MYO16: variants seen among roughly 807,000 people sequenced by gnomAD.
MYO16 encodes the protein myosin XVI, also known as unconventional myosin-XVI.
In MYO16, 94 loss-of-function variants were observed where a neutral mutation model predicts 205.3. That is an observed-to-expected ratio of 0.46 (90% CI 0.39 to 0.54). The LOEUF (loss-of-function observed/expected upper bound fraction) is 0.54, where lower values mean the gene tolerates loss of function less well. Ranked by LOEUF, MYO16 falls within the 20% of genes least tolerant of loss-of-function variation. The pLI is 0.00. For synonymous variants in MYO16, 988 were observed against 954.0 expected (o/e 1.04, Z -0.66); for missense variants, 2,315 against 2,387.5 (o/e 0.97, Z 0.63).
intron 3 of MYO16, among the ~76,000 whole-genome samples, chr13:108,725,000 A>T (rs565204946): frequency 6.6e-6 from 1 of 151,878 alleles, no homozygotes; most frequent in African/African-American, 2.4e-5. Flanking sequence ...TTAAAAAATC[A>T]TTTTTCTTTC....
chr13:108,926,633 A>G (rs1882020211), intron 16 of MYO16, among the ~76,000 whole-genome samples: 1 of 152,166 alleles, frequency 6.6e-6, no homozygotes, highest in African/African-American at 2.4e-5. Flanking sequence ...CCTGTCATCT[A>G]GAGACCAGCA....
chr13:109,195,259 T>C (rs1566558403), intron 34 of MYO16, among the ~76,000 whole-genome samples: 1 of 152,178 alleles, frequency 6.6e-6, no homozygotes, highest in Non-Finnish European at 1.5e-5. Flanking sequence ...TTTTAAAGGA[T>C]ATTTTCCCCT....
At chr13:108,916,756 G>A (rs573192879) in intron 16 of MYO16, among the ~76,000 whole-genome samples, 12 of 152,286 alleles carry the variant, frequency 7.9e-5, no homozygotes, top group Non-Finnish European at 8.8e-5. Context: ...AGTGGCTTCC[G>A]TCCTGCCTTC....
chr13:108,710,830 T>G (rs934905365), intron 2 of MYO16, among the ~76,000 whole-genome samples: 5 of 152,242 alleles, frequency 3.3e-5, no homozygotes, highest in Non-Finnish European at 5.9e-5. Context: ...ACACTATCTT[T>G]GTAGTGAGAT....
chr13:108,631,136 AC>A (rs891957365), intron 1 of MYO16, among the ~76,000 whole-genome samples: 2 of 152,180 alleles, frequency 1.3e-5, no homozygotes, highest in Non-Finnish European at 2.9e-5. Flanking sequence ...CAATACTCTG[AC>A]TGGTTTTTGT....
intron 11 of MYO16, among the ~76,000 whole-genome samples, chr13:108,858,588 C>G (rs1878308715): frequency 6.6e-6 from 1 of 152,144 alleles, no homozygotes; most frequent in Non-Finnish European, 1.5e-5. Context: ...AGAAGGCCAC[C>G]CCCACTGCTG....
chr13:109,039,864 A>G (rs951610416), intron 23 of MYO16, among the ~76,000 whole-genome samples: 1 of 152,196 alleles, frequency 6.6e-6, no homozygotes, highest in African/African-American at 2.4e-5. Flanking sequence ...AATTAGAAAA[A>G]AAGGAGAAAA....
rs970234577 is a variant in MYO16, at chr13:108,823,344, A to G, written c.1097+66A>G. The G allele has an allele frequency of 1.7e-5, 25 of 1,449,498 alleles. No individual in the cohort carries two copies. The African/African-American group carries it at 2.3e-4, about 13-fold the overall frequency. 89.8% of individuals were successfully genotyped at this position (1,449,498 alleles called of 1,614,324 possible). A position where few individuals can be genotyped will look rare whatever the true frequency, so the allele number is the denominator to read the frequency against. The stretch of plus-strand genomic sequence containing the variant: ...ACCTGCTGGTCATTTTAGAGCCCAT[A>G]TTAAGTCTGACTCTCAGCCAAAGAG... On this transcript the variant is annotated intron_variant, in intron 9 of 34. Transcript: ENST00000457511.
intron 1 of MYO16, among the ~76,000 whole-genome samples, chr13:108,660,469 A>T (rs558909771): frequency 7.9e-4 from 120 of 152,250 alleles, no homozygotes; most frequent in African/African-American, 2.8e-3. Flanking sequence ...TTAGGTACAT[A>T]TATATTTAGG....
At chr13:108,981,764 G>A (rs1427649299) in intron 20 of MYO16, among the ~76,000 whole-genome samples, 1 of 152,196 alleles carries the variant, frequency 6.6e-6, no homozygotes, top group African/African-American at 2.4e-5. Flanking sequence ...GAGTTTTGTG[G>A]TGCTTGGTTA....
At chr13:108,888,892 T>C (rs1416975600) in intron 14 of MYO16, among the ~76,000 whole-genome samples, 1 of 151,908 alleles carries the variant, frequency 6.6e-6, no homozygotes, top group Non-Finnish European at 1.5e-5. Flanking sequence ...TCGTCTCTAC[T>C]AAAAATACAA....
intron 27 of MYO16, among the ~76,000 whole-genome samples, chr13:109,077,844 A>C (rs762944388): frequency 2.0e-5 from 3 of 152,014 alleles, no homozygotes; most frequent in Admixed American, 6.6e-5. Flanking sequence ...AAATTTGGAA[A>C]ATTTTTCAAA....
chr13:108,510,742 T>A, the MYO16 span, among the ~76,000 whole-genome samples: 3,147 of 7,924 alleles, frequency 0.4, 666 homozygotes, highest in East Asian at 0.74. Flanking sequence ...TTTGTTCTTG[T>A]GATAGTTTAC....
chr13:109,174,441 C>T (rs1373731172), intron 33 of MYO16, among the ~76,000 whole-genome samples: 1 of 152,088 alleles, frequency 6.6e-6, no homozygotes, highest in Non-Finnish European at 1.5e-5. Flanking sequence ...CACTAAACCA[C>T]TCAGAATGCC....
rs137996746 is a variant in MYO16, at chr13:108,739,964, C to T, written c.507+12381C>T. 1.6e-4 allele frequency among the ~76,000 whole-genome samples: 25 copies of T among 152,280 alleles called. No homozygotes were observed. The East Asian group carries it at 4.1e-3, about 25-fold the overall frequency. ...GCTTGTGCATTCATCACGTGGTTCT[C>T]GTGCCATGGTTTTCAGCTCCATCAG... On this transcript the variant is annotated intron_variant, in intron 4 of 34. Transcript: ENST00000457511.
chr13:108,695,467 ACT>A (rs1178677217), intron 2 of MYO16, among the ~76,000 whole-genome samples: 1 of 151,782 alleles, frequency 6.6e-6, no homozygotes, highest in Non-Finnish European at 1.5e-5. Flanking sequence ...TAAGTCCTTA[ACT>A]CTGTTTGTCT....
At chr13:109,046,170 T>C (rs1887038649) in intron 23 of MYO16, among the ~76,000 whole-genome samples, 1 of 152,202 alleles carries the variant, frequency 6.6e-6, no homozygotes, top group Non-Finnish European at 1.5e-5. Flanking sequence ...CGGTCCACAC[T>C]GGGCAGAGAA....
chr13:108,702,677 A>T (rs1382500289), intron 2 of MYO16, among the ~76,000 whole-genome samples: 1 of 152,178 alleles, frequency 6.6e-6, no homozygotes, highest in Non-Finnish European at 1.5e-5. Context: ...CTAATTTTTA[A>T]TTATATTTAA....
At chr13:108,560,492 G>A in the MYO16 span, among the ~76,000 whole-genome samples, 11 of 152,234 alleles carry the variant, frequency 7.2e-5, no homozygotes, top group African/African-American at 2.2e-4. Flanking sequence ...TCCAGTAAAA[G>A]GGTACTTGAA....
Sources: allele counts gnomAD v4.1 joint callset (sites outside exome capture counted in the v4.1 genomes callset), GRCh38; gene constraint gnomAD v4.1.1; transcripts MANE v1.5; gene names NCBI Gene and HGNC (gene_info 2026-07-23, HGNC 2026-07-21).